The following JUP variants were observed in gnomAD, a reference collection of about 807,000 sequenced individuals.
JUP encodes catenin (cadherin-associated protein), gamma 80kDa.
A neutral mutation model predicts 71.1 loss-of-function variants in JUP; 28 were observed. The ratio of observed to expected loss-of-function variants is 0.39; its 90% CI spans 0.29 to 0.54. JUP has a LOEUF of 0.54. Among genes scored for constraint, JUP ranks in the 20% least tolerant of loss-of-function variants. JUP has a pLI of 0.62. For synonymous variants in JUP, 401 were observed against 438.9 expected (o/e 0.91, Z 1.08); for missense variants, 869 against 1,030.1 (o/e 0.84, Z 2.14).
rs1303365311 is a variant in JUP at position 41,781,203 on chromosome 17, A to AG, written c.-9+5384_-9+5385insC. Among the ~76,000 whole-genome samples the AG allele has an allele frequency of 2.3e-3, 344 of 150,358 alleles. 2 individuals are homozygous for AG. The highest frequency in any genetic ancestry group is 8.3e-3 in the African/African-American group (337 of 40,664). On this transcript the variant is annotated intron_variant, in intron 1 of 13. Coordinates refer to ENST00000393931, the MANE Select transcript of JUP (RefSeq NM_002230.4). ...CCGTCTCAAAAAAAAAAAAAAAAAA[A>AG]AATTAGCTGGGCGTACTGGCAGGCG...
rs112308890 is a variant in JUP, at chr17:41,769,153, A to G, written c.523T>C (p.Ser175Pro). ...GGCGAGCCCATCAGGGCCCGCCGCG[A>G]CGCCTCCTTCTTCGACAGCTGGTTC... The part of the protein sequence containing the change: ...IVNQLSKKEA[S>P]RRALMGSPQL... Residue 175 changes from serine to proline, a missense_variant, in exon 4 of 14, where the codon TCG becomes CCG. Transcript: ENST00000393931. 6.2e-7 allele frequency: 1 copy of G among 1,606,528 alleles called. No homozygotes were observed. Among genetic ancestry groups the G allele is most frequent in the Non-Finnish European group, 8.5e-7 (1 of 1,179,952 alleles).
chr17:41,758,324 C>T, intron 10 of JUP, 75 bp downstream of exon 10: 1 of 1,598,348 alleles, frequency 6.3e-7, no homozygotes, highest in Non-Finnish European at 8.5e-7. Context: ...CCAGGCCTCC[C>T]AAATCTGGGA....
intron 5 of JUP, among the ~76,000 whole-genome samples, chr17:41,765,566 T>G (rs1239643650): frequency 2.0e-5 from 3 of 151,774 alleles, no homozygotes; most frequent in Admixed American, 6.6e-5. Flanking sequence ...TTGGCCAGGC[T>G]GGTTTCAAAC....
intron 8 of JUP, among the ~76,000 whole-genome samples, chr17:41,760,030 A>G (rs1914539925): frequency 6.6e-6 from 1 of 151,882 alleles, no homozygotes; most frequent in African/African-American, 2.4e-5. Flanking sequence ...CCTGGCCAAC[A>G]TGGTGAAACC....
In JUP at chr17:41,755,625, G is replaced by A. The variant is rs1020746099; in HGVS notation, c.*119C>T. On this transcript the variant is annotated 3_prime_UTR_variant, in exon 14 of 14. Transcript: ENST00000393931. Reference sequence around the variant, plus strand: ...GTGCTTGGGGAAGCTCAGCAGCAAAGGATCCCCCCAAAAAAGGAGCGCAGG... The same window carrying A: ...GTGCTTGGGGAAGCTCAGCAGCAAAAGATCCCCCCAAAAAAGGAGCGCAGG... 31 of 1,024,660 alleles carry A rather than the reference G, an allele frequency of 3.0e-5. No individual in the cohort carries two copies. In the African/African-American group the frequency reaches 4.3e-4, roughly 14 times the overall value. The allele number at this position is 1,024,660 out of a possible 1,614,324, so 63.5% of individuals were successfully genotyped here.
Position 41,765,087 on chromosome 17 carries a change from G to T in JUP, c.910-20C>A. On this transcript the variant is annotated intron_variant, in intron 5 of 13. Coordinates refer to ENST00000393931, the MANE Select transcript of JUP (RefSeq NM_002230.4). ...GATCAGCTATGGGTAAAGAGGGAAT[G>T]AGTGTGAGATGGACGGGGAATATGA... 6.2e-7 allele frequency: 1 copy of T among 1,613,012 alleles called. No individual in the cohort carries two copies. The highest frequency in any genetic ancestry group is 8.5e-7 in the Non-Finnish European group (1 of 1,179,060).
chr17:41,778,280 G>A (rs1555609315), intron 1 of JUP, among the ~76,000 whole-genome samples: 1 of 152,138 alleles, frequency 6.6e-6, no homozygotes, highest in African/African-American at 2.4e-5. Context: ...ATCTGTTACT[G>A]TAGGCAGGGT....
intron 5 of JUP, 104 bp from the exon 6 acceptor site, chr17:41,765,171 G>A: frequency 8.8e-7 from 1 of 1,140,640 alleles, no homozygotes; most frequent in Non-Finnish European, 1.3e-6. Context: ...TTCAGCTAAA[G>A]CACGAATAGT....
At chr17:41,778,427 C>CAT (rs1187211200) in intron 1 of JUP, among the ~76,000 whole-genome samples, 1 of 151,906 alleles carries the variant, frequency 6.6e-6, no homozygotes, top group Non-Finnish European at 1.5e-5. Flanking sequence ...ATTAGCCGGG[C>CAT]GTGGTGGCAT....
intron 8 of JUP, among the ~76,000 whole-genome samples, chr17:41,761,581 G>C (rs1038855465): frequency 3.3e-5 from 5 of 152,056 alleles, no homozygotes; most frequent in African/African-American, 1.2e-4. Flanking sequence ...GAAGGCCAAA[G>C]TGGGTGGATC....
chr17:41,762,164 AGAGAGAGAGAGAGTGT>A (rs1219873296), intron 8 of JUP, among the ~76,000 whole-genome samples: 944 of 77,722 alleles, frequency 0.012, 1 homozygote, highest in Admixed American at 0.024. Context: ...AGAGAGAGAG[AGAGAGAGAGAGAGTGT>A]GTGTGTGTGT....
At chr17:41,757,810 G>A in intron 10 of JUP, 26 bp from the exon 11 acceptor site, 1 of 1,592,716 alleles carries the variant, frequency 6.3e-7, no homozygotes, top group Non-Finnish European at 8.6e-7. Flanking sequence ...GTGGGAAGCA[G>A]GGGAGAGGTG....
intron 8 of JUP, among the ~76,000 whole-genome samples, chr17:41,762,391 G>A (rs1915043152): frequency 6.6e-6 from 1 of 151,666 alleles, no homozygotes. Context: ...CCAGCCTCCT[G>A]TTTTTCTTTT....
intron 1 of JUP, among the ~76,000 whole-genome samples, chr17:41,782,347 C>A (rs561437736): frequency 6.6e-6 from 1 of 152,354 alleles, no homozygotes; most frequent in Admixed American, 6.5e-5. Flanking sequence ...AGTTCCCCAT[C>A]AAGAGCAGCC....
intron 1 of JUP, among the ~76,000 whole-genome samples, chr17:41,784,693 C>T (rs1325523937): frequency 6.6e-6 from 1 of 152,112 alleles, no homozygotes; most frequent in African/African-American, 2.4e-5. Context: ...CAGGGCTGAG[C>T]GTGATCCCCA....
chr17:41,755,639 A>T lies in JUP; in HGVS notation c.*105T>A. 1 of 1,160,352 alleles carries T rather than the reference A, an allele frequency of 8.6e-7. No individual in the cohort carries two copies. Among genetic ancestry groups the T allele is most frequent in the Non-Finnish European group, 1.2e-6 (1 of 844,482 alleles). 71.9% of individuals were successfully genotyped at this position (1,160,352 alleles called of 1,614,324 possible). A position where few individuals can be genotyped will look rare whatever the true frequency, so the allele number is the denominator to read the frequency against. On this transcript the variant is annotated 3_prime_UTR_variant, in exon 14 of 14. Coordinates refer to ENST00000393931, the MANE Select transcript of JUP (RefSeq NM_002230.4). ...TCAGCAGCAAAGGATCCCCCCAAAA[A>T]AGGAGCGCAGGTTTCAGCGGGGAGA...
chr17:41,772,869 C>A (rs1419689985), intron 1 of JUP: 24 of 985,452 alleles, frequency 2.4e-5, no homozygotes, highest in Non-Finnish European at 2.9e-5. Flanking sequence ...AGGTGAACTT[C>A]CCGCTTGGTC....
rs34269111 is a variant in JUP at position 41,779,333 on chromosome 17, A to ATTTT, written c.-9+7251_-9+7254dup. 4.8e-3 allele frequency among the ~76,000 whole-genome samples: 486 copies of ATTTT among 100,222 alleles called. 5 individuals carry two copies. The highest frequency in any genetic ancestry group is 0.017 in the African/African-American group (465 of 27,506). The allele number at this position is 100,222 out of a possible 152,430, so 65.7% of individuals were successfully genotyped here. ...CTCTTAAACTTTTCTAAACTTCCCA[A>ATTTT]TTTTTTTTTTTTTTTTTTTTTGAGA... On this transcript the variant is annotated intron_variant, in intron 1 of 13. Coordinates refer to ENST00000393931, the MANE Select transcript of JUP (RefSeq NM_002230.4).
At chr17:41,762,168 A>T (rs1292702332) in intron 8 of JUP, among the ~76,000 whole-genome samples, 2,177 of 49,362 alleles carry the variant, frequency 0.044, 48 homozygotes, top group Non-Finnish European at 0.049. Context: ...AGAGAGAGAG[A>T]GAGAGAGAGT....
Sources: gnomAD v4.1 joint callset for allele counts (sites outside exome capture counted in the v4.1 genomes callset) on GRCh38, gnomAD v4.1.1 for gene constraint, MANE v1.5 for transcripts, NCBI Gene and HGNC (gene_info 2026-07-23, HGNC 2026-07-21) for gene names.